NOTCH4: variants seen among roughly 807,000 people sequenced by gnomAD.
NOTCH4 encodes the protein notch receptor 4, also known as neurogenic locus notch homolog protein 4.
A neutral mutation model predicts 189.0 loss-of-function variants in NOTCH4; 138 were observed. That is an observed-to-expected ratio of 0.73 (90% CI 0.64 to 0.84). The LOEUF is 0.84. Ranked by LOEUF, NOTCH4 falls within the 40% of genes least tolerant of loss-of-function variation. The probability of loss-of-function intolerance (pLI) is 0.00; values close to 1 mark genes in which losing one functional copy is unlikely to be tolerated. For missense variants in NOTCH4, 2,286 were observed against 2,605.4 expected (o/e 0.88, Z 2.67); for synonymous variants, 942 against 1,032.8 (o/e 0.91, Z 1.69).
Position 32,195,506 on chromosome 6 carries a change from A to G in NOTCH4, c.5943T>C (p.Pro1981=), listed in dbSNP as rs1360467883. The stretch of plus-strand genomic sequence containing the variant: ...GGGCTGGGGGACCACAGTCAAGTTG[A>G]GGTGATCCCCGCTCCGGGGACGGAG... ...CLTPSPERGS[P]QLDCGPPALQ... is the part of the protein sequence containing the mutation. Residue 1981 remains proline, a synonymous_variant, in exon 30 of 30, where the codon CCT becomes CCC. Transcript: ENST00000375023. The surrounding 1 kb of genome is among the most constrained non-coding windows in gnomAD (Gnocchi z 5.4). 6.2e-7 allele frequency: 1 copy of G among 1,612,884 alleles called. No homozygotes were observed. Among genetic ancestry groups the G allele is most frequent in the Admixed American group, 1.7e-5 (1 of 60,014 alleles).
chr6:32,218,073 C>G lies in NOTCH4; in HGVS notation c.1546G>C (p.Glu516Gln). ...EGQLCEVETN[E>Q]CASAPCLNHA... ...TTCAGGCAGGGAGCTGAGGCACACT[C>G]GTTGGTCTCCACCTCACAGAGCTGC... Residue 516 changes from glutamate (E) to glutamine (Q), a missense_variant, in exon 9 of 30, where the codon GAG (glutamate) becomes CAG (glutamine). Glu to Gln is a conservative substitution (Grantham distance 29). This residue lies in a region of NOTCH4 where 1,903 missense variants were observed against 2,261.9 expected (regional missense o/e 0.84). Coordinates refer to ENST00000375023, the MANE Select transcript of NOTCH4 (RefSeq NM_004557.4). The G allele has an allele frequency of 1.9e-6, 3 of 1,613,756 alleles. No individual in the cohort carries two copies. The highest frequency in any genetic ancestry group is 2.7e-5 in the African/African-American group (2 of 75,040).
At position 32,210,987 on chromosome 6, in the gene NOTCH4, G is replaced by A. The variant is rs1290825610; in HGVS notation, c.2681-51C>T. ...TACAAAGATAAGTGGGGGGCCGGGC[G>A]CCATGGCTTACGCCTGTAATCCCAG... On this transcript the variant is annotated intron_variant, in intron 17 of 29. Transcript: ENST00000375023. This position sits in a 1 kb window ranked among gnomAD's most constrained non-coding sequence, Gnocchi z 4.8. 9.9e-6 allele frequency: 15 copies of A among 1,508,698 alleles called. No individual in the cohort carries two copies. The highest frequency in any genetic ancestry group is 2.3e-5 in the East Asian group (1 of 43,734). 93.5% of individuals were successfully genotyped at this position (1,508,698 alleles called of 1,614,324 possible). A position where few individuals can be genotyped will look rare whatever the true frequency, so the allele number is the denominator to read the frequency against.
chr6:32,197,748 G>C (rs1161473847), intron 26 of NOTCH4, among the ~76,000 whole-genome samples, 154 bp from the exon 27 acceptor site: 1 of 152,032 alleles, frequency 6.6e-6, no homozygotes, highest in Non-Finnish European at 1.5e-5. Context: ...GCTTTTCTCT[G>C]ACTTCAGTTT....
Position 32,222,551 on chromosome 6 carries a change from G to A in NOTCH4, c.411C>T (p.Ala137=), listed in dbSNP as rs1789846762. The A allele has an allele frequency of 1.3e-6, 2 of 1,573,532 alleles. No individual in the cohort carries two copies. Among genetic ancestry groups the A allele is most frequent in the Admixed American group, 2.0e-5 (1 of 50,496 alleles). ...TGCAGGAGCACTGTGGGCGGCCCGA[G>A]GCCTGGATGTGGCAGCGGCCCCTTT... The part of the protein sequence containing the change: ...CSKRGRCHIQ[A]SGRPQCSCMP... Residue 137 remains alanine (A), a synonymous_variant, in exon 3 of 30, where the codon GCC becomes GCT. Transcript: ENST00000375023.
chr6:32,220,459 T>C lies in NOTCH4; in HGVS notation c.1105A>G (p.Thr369Ala). 2 of 1,613,942 alleles carry C rather than the reference T, an allele frequency of 1.2e-6. No homozygotes were observed. Among genetic ancestry groups the C allele is most frequent in the Middle Eastern group, 1.6e-4 (1 of 6,062 alleles). ...CIAATCAPGS[T>A]CIDRVGSFSC... ...AAAGAGCCCACCCGGTCAATGCAGG[T>C]GGATCCCGGGGCACAGGTGGCAGCA... The change falls in exon 6 of 30, where the codon ACC becomes GCC. Residue 369 changes from threonine to alanine, a missense_variant. Coordinates refer to ENST00000375023, the MANE Select transcript of NOTCH4 (RefSeq NM_004557.4).
intron 28 of NOTCH4, 49 bp downstream of exon 28, chr6:32,196,876 C>T (rs1330480102): frequency 1.9e-6 from 3 of 1,603,058 alleles, no homozygotes; most frequent in Non-Finnish European, 2.6e-6. Flanking sequence ...ATCTCCCACC[C>T]CATCTGCTCA....
In NOTCH4 at chr6:32,217,121, C is replaced by T. The variant is rs369860887; in HGVS notation, c.1738+32G>A. 1.2e-5 allele frequency: 19 copies of T among 1,612,878 alleles called. No homozygotes were observed. In the African/African-American group the frequency reaches 1.7e-4, roughly 15 times the overall value. On this transcript the variant is annotated intron_variant, in intron 10 of 29. Transcript: ENST00000375023. The surrounding 1 kb of genome is among the most constrained non-coding windows in gnomAD (Gnocchi z 4.2). ...TGCACGGATGTCTGCCTCCTGCTCC[C>T]GCTGTCCCCCACAGTGTGTGCCCCA... is the stretch of plus-strand genomic sequence containing the variant.
chr6:32,219,856 G>A, intron 7 of NOTCH4, 70 bp from the exon 8 acceptor site: 1 of 1,312,414 alleles, frequency 7.6e-7, no homozygotes, highest in African/African-American at 1.5e-5. Flanking sequence ...AGACTGTCAG[G>A]GAAGGTGTGG....
chr6:32,212,928 CAG>C lies in NOTCH4; in HGVS notation c.2439-19_2439-18del. On this transcript the variant is annotated intron_variant, in intron 15 of 29. Transcript: ENST00000375023. This position sits in a 1 kb window ranked among gnomAD's most constrained non-coding sequence, Gnocchi z 4.4. ...CTACAGGGGCTGAACAAGACAGAGACAGGGCATGATAGGAAGAAGTTCGGGCA... is the reference window on the plus strand; with the variant it reads ...CTACAGGGGCTGAACAAGACAGAGACGGCATGATAGGAAGAAGTTCGGGCA... 2 of 1,563,360 alleles carry C rather than the reference CAG, an allele frequency of 1.3e-6. No homozygotes were observed. Among genetic ancestry groups the C allele is most frequent in the Non-Finnish European group, 1.7e-6 (2 of 1,153,302 alleles).
chr6:32,201,476 A>G lies in NOTCH4; in HGVS notation c.3780T>C (p.His1260=). Residue 1260 remains histidine (H), a synonymous_variant, in exon 22 of 30, where the codon CAT becomes CAC. Transcript: ENST00000375023. This position sits in a 1 kb window ranked among gnomAD's most constrained non-coding sequence, Gnocchi z 5.5. Reference sequence around the variant, plus strand: ...CACAGTGCCCGTTGTGGAAGTGATCATGGCAGTACTGGTCATAGGCTGGAC... The same window carrying G: ...CACAGTGCCCGTTGTGGAAGTGATCGTGGCAGTACTGGTCATAGGCTGGAC... The part of the protein sequence containing the change: ...ACTPAYDQYC[H]DHFHNGHCEK... 1 of 1,516,190 alleles carries G rather than the reference A, an allele frequency of 6.6e-7. No individual in the cohort carries two copies. The highest frequency in any genetic ancestry group is 8.8e-7 in the Non-Finnish European group (1 of 1,133,130). The allele number at this position is 1,516,190 out of a possible 1,614,324, so 93.9% of individuals were successfully genotyped here.
At position 32,221,301 on chromosome 6, in the gene NOTCH4, A is replaced by G; in HGVS notation, c.476T>C (p.Phe159Ser). 1.2e-6 allele frequency: 2 copies of G among 1,612,734 alleles called. No homozygotes were observed. Among genetic ancestry groups the G allele is most frequent in the South Asian group, 2.2e-5 (2 of 91,064 alleles). The change falls in exon 4 of 30, where the codon TTC (phenylalanine) becomes TCC (serine). Residue 159 changes from phenylalanine (F) to serine (S), a missense_variant. Coordinates refer to ENST00000375023, the MANE Select transcript of NOTCH4 (RefSeq NM_004557.4). This position sits in a 1 kb window ranked among gnomAD's most constrained non-coding sequence, Gnocchi z 4.3. ...ATTAACACATGGGTTGGCTGAACAG[A>G]AGTCCCGAAGCTGGCACTGCTCACC... ...WTGEQCQLRDFCSANPCVNGG... is the reference protein window; with the variant it reads ...WTGEQCQLRDSCSANPCVNGG...
Position 32,221,006 on chromosome 6 carries a change from GGA to G in NOTCH4, c.769_770del (p.Ser257HisfsTer17). The G allele has an allele frequency of 6.2e-7, 1 of 1,607,030 alleles. No individual in the cohort carries two copies. The highest frequency in any genetic ancestry group is 8.5e-7 in the Non-Finnish European group (1 of 1,175,482). On this transcript the variant is annotated frameshift_variant, in exon 4 of 30. Coordinates refer to ENST00000375023, the MANE Select transcript of NOTCH4 (RefSeq NM_004557.4). LOFTEE classifies it high-confidence loss of function. The surrounding 1 kb of genome is among the most constrained non-coding windows in gnomAD (Gnocchi z 4.3). Reference sequence around the variant, plus strand: ...GGGGACAGAGGCAGAGGTGAAAGGTGGAGTCTTTCTCTGGCATCAGCTGGCAG... The same window carrying G: ...GGGGACAGAGGCAGAGGTGAAAGGTGGTCTTTCTCTGGCATCAGCTGGCAG... ...GTCQLMPEKDSTFHLCLCPPG... is the reference protein window; with the variant it reads ...GTCQLMPEKDXTFHLCLCPPG...
chr6:32,223,680 G>A lies in NOTCH4; in HGVS notation c.73+176C>T, dbSNP rs375244. On this transcript the variant is annotated intron_variant, in intron 1 of 29. Coordinates refer to ENST00000375023, the MANE Select transcript of NOTCH4 (RefSeq NM_004557.4). ...AGTCACCACCCCTGGCACCAGGCCC[G>A]AAGCAGCTCCATGGGCAGAGCCGTC... is the stretch of plus-strand genomic sequence containing the variant. 0.26 allele frequency among the ~76,000 whole-genome samples: 40,179 copies of A among 151,768 alleles called. 5,825 individuals carry two copies. Among genetic ancestry groups the A allele is most frequent in the East Asian group, 0.49 (2,522 of 5,096 alleles).
rs1325286020 is a variant in NOTCH4 at position 32,218,046 on chromosome 6, G to A, written c.1573C>T (p.His525Tyr). The stretch of plus-strand genomic sequence containing the variant: ...TTGAGCAGGTCATGGCAATCCGCGT[G>A]GTTCAGGCAGGGAGCTGAGGCACAC... ...NECASAPCLN[H>Y]ADCHDLLNGF... Residue 525 changes from histidine (H) to tyrosine (Y), a missense_variant, in exon 9 of 30, where the codon CAC becomes TAC. Transcript: ENST00000375023. 5.6e-6 allele frequency: 9 copies of A among 1,614,034 alleles called. No individual in the cohort carries two copies. The highest frequency in any genetic ancestry group is 7.6e-6 in the Non-Finnish European group (9 of 1,179,974).
intron 11 of NOTCH4, chr6:32,216,616 T>C: frequency 2.2e-6 from 1 of 459,356 alleles, no homozygotes; most frequent in Non-Finnish European, 4.0e-6. Context: ...GGCAACTGTC[T>C]TACTCAGATT....
chr6:32,212,884 C>T lies in NOTCH4; in HGVS notation c.2466G>A (p.Gln822=). 1 of 1,557,218 alleles carries T rather than the reference C, an allele frequency of 6.4e-7. No homozygotes were observed. The highest frequency in any genetic ancestry group is 1.4e-5 in the African/African-American group (1 of 73,604). ...GGCAGCGGGGACCCTGAGGGCTGTC[C>T]TGGCAGGTTGCCCTATTCCTACAGG... ...DSPCRNRATC[Q]DSPQGPRCLC... is the part of the protein sequence containing the mutation. Residue 822 remains glutamine, a synonymous_variant, in exon 16 of 30, where the codon CAG becomes CAA. Transcript: ENST00000375023. This position sits in a 1 kb window ranked among gnomAD's most constrained non-coding sequence, Gnocchi z 4.4.
In NOTCH4 at chr6:32,220,167, C is replaced by A. The variant is rs746991666; in HGVS notation, c.1277G>T (p.Gly426Val). The A allele has an allele frequency of 1.2e-6, 2 of 1,613,768 alleles. No homozygotes were observed. Among genetic ancestry groups the A allele is most frequent in the East Asian group, 4.5e-5 (2 of 44,874 alleles). The change falls in exon 7 of 30, where the codon GGG becomes GTG. Residue 426 changes from glycine (G) to valine (V), a missense_variant. Transcript: ENST00000375023. ...TLCLCQPGYS[G>V]PTCHQDLDEC... Reference sequence around the variant, plus strand: ...GTCCAGGTCCTGGTGGCAGGTGGGCCCCGAATAGCCAGGCTGACACAGGCA... The same window carrying A: ...GTCCAGGTCCTGGTGGCAGGTGGGCACCGAATAGCCAGGCTGACACAGGCA...
rs1787920891 is a variant in NOTCH4, at chr6:32,196,358, T to C, written c.5264A>G (p.Gln1755Arg). The C allele has an allele frequency of 6.2e-7, 1 of 1,613,154 alleles. No homozygotes were observed. Among genetic ancestry groups the C allele is most frequent in the African/African-American group, 1.3e-5 (1 of 75,078 alleles). The change falls in exon 29 of 30, where the codon CAG becomes CGG. Residue 1755 changes from glutamine (Q) to arginine (R), a missense_variant. Gln to Arg is a conservative substitution (Grantham distance 43). Transcript: ENST00000375023. ...CTGGGCATCTTTATCGGCTCCGGCC[T>C]GGAGAAGCGAGCGGGCGGCTCGGGC... ...NNARAARSLL[Q>R]AGADKDAQDN...
chr6:32,212,698 A>T lies in NOTCH4; in HGVS notation c.2527-71T>A. ...TCAGCCCAGAGATGGTCCTCTGCCC[A>T]CTCCAGCTCCTCGAAATCCCTTACT... On this transcript the variant is annotated intron_variant, in intron 16 of 29. Transcript: ENST00000375023. The surrounding 1 kb of genome is among the most constrained non-coding windows in gnomAD (Gnocchi z 4.4). 6.5e-7 allele frequency: 1 copy of T among 1,528,046 alleles called. No individual in the cohort carries two copies. Among genetic ancestry groups the T allele is most frequent in the Non-Finnish European group, 8.8e-7 (1 of 1,130,442 alleles). 94.7% of individuals were successfully genotyped at this position (1,528,046 alleles called of 1,614,324 possible).
Sources: allele counts gnomAD v4.1 joint callset (sites outside exome capture counted in the v4.1 genomes callset), GRCh38; gene constraint gnomAD v4.1.1; regional missense constraint gnomAD v4.1.1; non-coding constraint Gnocchi (gnomAD v3.1); transcripts MANE v1.5; gene names NCBI Gene and HGNC (gene_info 2026-07-23, HGNC 2026-07-21).